RAB36: variants seen among roughly 807,000 people sequenced by gnomAD.
RAB36 encodes the protein ras-related protein Rab-36.
RAB36 carries 33 observed loss-of-function variants against 39.3 expected under a neutral mutation model. That is an observed-to-expected ratio of 0.84 (90% CI 0.64 to 1.12). The LOEUF is 1.12. Among genes scored for constraint, RAB36 ranks in the 50% most tolerant of loss-of-function variants. The pLI is 0.00. For synonymous variants in RAB36, 133 were observed against 140.2 expected, an observed-to-expected ratio of 0.95 and a Z score of 0.36; for missense variants, 308 against 355.3, an observed-to-expected ratio of 0.87 and a Z score of 1.07.
Position 23,155,995 on chromosome 22 carries a change from C to G in RAB36, c.357C>G (p.Phe119Leu), listed in dbSNP as rs1349827280. Reference sequence around the variant, plus strand: ...GGGACACAGCTGGGCAGGAGAAGTTCAAGTGCATCGCATCTGCCTACTACC... The same window carrying G: ...GGGACACAGCTGGGCAGGAGAAGTTGAAGTGCATCGCATCTGCCTACTACC... ...QIWDTAGQEK[F>L]KCIASAYYRG... Residue 119 changes from phenylalanine to leucine, a missense_variant, in exon 6 of 11, where the codon TTC becomes TTG. Physicochemically the swap from Phe to Leu is conservative, Grantham distance 22. Coordinates refer to ENST00000263116, the MANE Select transcript of RAB36 (RefSeq NM_004914.5). 6.2e-7 allele frequency: 1 copy of G among 1,612,892 alleles called. No individual in the cohort carries two copies. The highest frequency in any genetic ancestry group is 8.5e-7 in the Non-Finnish European group (1 of 1,179,414).
At chr22:23,161,366 C>A in intron 10 of RAB36, 134 bp from the exon 11 acceptor site, 1 of 842,172 alleles carries the variant, frequency 1.2e-6, no homozygotes, top group Non-Finnish European at 1.9e-6. Context: ...TGGCTTGTGT[C>A]AGGCCATTCA....
intron 5 of RAB36, chr22:23,153,550 C>G (rs1199156625): frequency 1.0e-6 from 1 of 984,836 alleles, no homozygotes; most frequent in African/African-American, 1.7e-5. Context: ...AAATCCAGTC[C>G]CTGCATGCCA....
chr22:23,153,656 T>C (rs2071291236), intron 5 of RAB36: 1 of 798,078 alleles, frequency 1.3e-6, no homozygotes, highest in South Asian at 5.9e-5. Flanking sequence ...CAGCCTTCAC[T>C]CCCTCTCCCC....
chr22:23,150,038 T>G, intron 2 of RAB36, 25 bp from the exon 3 acceptor site: 1 of 1,560,564 alleles, frequency 6.4e-7, no homozygotes, highest in Non-Finnish European at 8.8e-7. Flanking sequence ...CAGGATGATG[T>G]GTCCGTCTGT....
At chr22:23,150,496 T>G (rs1601899606) in intron 3 of RAB36, among the ~76,000 whole-genome samples, 1 of 151,548 alleles carries the variant, frequency 6.6e-6, no homozygotes, top group South Asian at 2.1e-4. Context: ...AGAGACGGGG[T>G]TTCACCATGT....
At chr22:23,145,998 C>T (rs950809807) in intron 1 of RAB36, 1 of 985,280 alleles carries the variant, frequency 1.0e-6, no homozygotes, top group Admixed American at 6.1e-5. Flanking sequence ...ACTTCCACTG[C>T]CTGAGCTGTG....
chr22:23,156,889 C>T (rs1172218525), intron 6 of RAB36, among the ~76,000 whole-genome samples: 1 of 152,186 alleles, frequency 6.6e-6, no homozygotes, highest in Non-Finnish European at 1.5e-5. Context: ...CACATGGCAG[C>T]CTGGCTGCCG....
chr22:23,145,899 AGGCCTAGTT>A, intron 1 of RAB36: 1 of 841,942 alleles, frequency 1.2e-6, no homozygotes, highest in Non-Finnish European at 1.4e-6. Context: ...TTCAGGGAAA[AGGCCTAGTT>A]GGCTGAAAGT....
chr22:23,163,813 G>T lies in RAB36; in HGVS notation c.*2249G>T, dbSNP rs2071953321. 1 of 152,190 alleles carries T rather than the reference G, an allele frequency of 6.6e-6. No homozygotes were observed. Among genetic ancestry groups the T allele is most frequent in the South Asian group, 2.1e-4 (1 of 4,826 alleles). The allele number at this position is 152,190 out of a possible 1,614,324, so 9.4% of individuals were successfully genotyped here. On this transcript the variant is annotated 3_prime_UTR_variant, in exon 11 of 11. Coordinates refer to ENST00000263116, the MANE Select transcript of RAB36 (RefSeq NM_004914.5). ...TTTTCACCAGAGTGAGCTCCTTCTG[G>T]ACATACTGCCTGGCAGCCTGCCTTC... is the stretch of plus-strand genomic sequence containing the variant.
At chr22:23,153,875 G>C (rs946416012) in intron 5 of RAB36, among the ~76,000 whole-genome samples, 4 of 151,932 alleles carry the variant, frequency 2.6e-5, no homozygotes, top group Non-Finnish European at 5.9e-5. Context: ...TTTTAGTAGA[G>C]ATGGGGTTTT....
At position 23,153,061 on chromosome 22, in the gene RAB36, TA is replaced by T. The variant is rs745583540; in HGVS notation, c.257del (p.Tyr86SerfsTer47). On this transcript the variant is annotated frameshift_variant, in exon 5 of 11. Transcript: ENST00000263116. LOFTEE classifies it high-confidence loss of function. The part of the protein sequence containing the change: ...RFCKNVFDRD[Y>X]KATIGVDFEI... ...TTGCAAGAATGTTTTTGATCGAGAC[TA>T]CAAGGCCACCATTGGGGTGGACTTT... 4 of 1,614,156 alleles carry T rather than the reference TA, an allele frequency of 2.5e-6. No homozygotes were observed. In the Admixed American group the frequency reaches 6.7e-5, roughly 27 times the overall value.
intron 6 of RAB36, among the ~76,000 whole-genome samples, chr22:23,157,257 T>G (rs1418606851): frequency 6.6e-6 from 1 of 151,018 alleles, no homozygotes; most frequent in Non-Finnish European, 1.5e-5. Context: ...CTAACAGGTT[T>G]TTTTTTTTTT....
Position 23,145,548 on chromosome 22 carries a change from G to C in RAB36, c.-16G>C. ...CGGAGCCCCAGCTTTCACAGCCATC[G>C]CTGGTGAGTCAGCTCGCCCACTCTG... On this transcript the variant is annotated 5_prime_UTR_variant, in exon 1 of 11. Coordinates refer to ENST00000263116, the MANE Select transcript of RAB36 (RefSeq NM_004914.5). 1 of 1,600,314 alleles carries C rather than the reference G, an allele frequency of 6.2e-7. No individual in the cohort carries two copies. Among genetic ancestry groups the C allele is most frequent in the Non-Finnish European group, 8.5e-7 (1 of 1,178,772 alleles).
chr22:23,153,908 C>T lies in RAB36; in HGVS notation c.329+774C>T, dbSNP rs191527907. On this transcript the variant is annotated intron_variant, in intron 5 of 10. Transcript: ENST00000263116. ...TTTACTATGTTGGCCATGCTGATCT[C>T]GAACTCCTGACCTCAAGTGCTCCAC... is the stretch of plus-strand genomic sequence containing the variant. Among the ~76,000 whole-genome samples the T allele has an allele frequency of 3.9e-5, 6 of 152,074 alleles. No homozygotes were observed. The East Asian group carries it at 7.7e-4, about 20-fold the overall frequency.
upstream of RAB36, chr22:23,145,437 G>A (rs1262744997): frequency 3.1e-6 from 5 of 1,610,676 alleles, no homozygotes; most frequent in Non-Finnish European, 4.2e-6. Flanking sequence ...CGCCCACGAC[G>A]TCGACGATTC....
Position 23,145,540 on chromosome 22 carries a change from C to A in RAB36, c.-24C>A. On this transcript the variant is annotated 5_prime_UTR_variant, in exon 1 of 11. Coordinates refer to ENST00000263116, the MANE Select transcript of RAB36 (RefSeq NM_004914.5). ...AGGCCGCGCGGAGCCCCAGCTTTCA[C>A]AGCCATCGCTGGTGAGTCAGCTCGC... 6.2e-7 allele frequency: 1 copy of A among 1,601,752 alleles called. No homozygotes were observed. The highest frequency in any genetic ancestry group is 8.5e-7 in the Non-Finnish European group (1 of 1,179,166).
intron 6 of RAB36, 109 bp from the exon 7 acceptor site, chr22:23,157,883 G>C: frequency 1.9e-6 from 3 of 1,578,242 alleles, no homozygotes; most frequent in South Asian, 2.4e-5. Flanking sequence ...CTGAGTGCCT[G>C]GTTGGGGGGC....
At chr22:23,167,091 G>T (rs533449610), downstream of RAB36, among the ~76,000 whole-genome samples, 4 of 152,148 alleles carry the variant, frequency 2.6e-5, no homozygotes, top group South Asian at 4.2e-4. Flanking sequence ...CTCCTCCTCT[G>T]AACTCCTGGT....
chr22:23,157,927 C>T, intron 6 of RAB36, 65 bp from the exon 7 acceptor site: 1 of 1,608,080 alleles, frequency 6.2e-7, no homozygotes, highest in South Asian at 1.1e-5. Context: ...TGGGCACCTC[C>T]TGGGGAGCCC....
Sources: gnomAD v4.1 joint callset for allele counts (sites outside exome capture counted in the v4.1 genomes callset) on GRCh38, gnomAD v4.1.1 for gene constraint, MANE v1.5 for transcripts, NCBI Gene and HGNC (gene_info 2026-07-23, HGNC 2026-07-21) for gene names.